Variants in STXBP5 observed in about 807,000 individuals in gnomAD.
The protein encoded by STXBP5 is syntaxin binding protein 5, also known as syntaxin-binding protein 5.
STXBP5 carries 50 observed loss-of-function variants against 152.4 expected under a neutral mutation model. That is an observed-to-expected ratio of 0.33 (90% CI 0.26 to 0.42). The LOEUF (loss-of-function observed/expected upper bound fraction) is 0.42, where lower values mean the gene tolerates loss of function less well. Ranked by LOEUF, STXBP5 falls within the 10% of genes least tolerant of loss-of-function variation. The pLI, the probability that STXBP5 is intolerant of heterozygous loss-of-function variation, is 1.00. For missense variants in STXBP5, 1,167 were observed against 1,388.6 expected (o/e 0.84, Z 2.54); for synonymous variants, 492 against 494.7 (o/e 0.99, Z 0.07).
chr6:147,250,719 G>A (rs997647328), intron 4 of STXBP5, among the ~76,000 whole-genome samples: 1 of 151,958 alleles, frequency 6.6e-6, no homozygotes, highest in South Asian at 2.1e-4. Flanking sequence ...TAGAAAAATT[G>A]TATCCTATTG....
chr6:147,349,554 A>T (rs1274291615), intron 21 of STXBP5, among the ~76,000 whole-genome samples: 1 of 152,226 alleles, frequency 6.6e-6, no homozygotes, highest in African/African-American at 2.4e-5. Flanking sequence ...GTTTCGTGAA[A>T]ATGTACAAAG....
At chr6:147,242,069 A>G (rs911724366) in intron 4 of STXBP5, among the ~76,000 whole-genome samples, 3 of 152,080 alleles carry the variant, frequency 2.0e-5, no homozygotes, top group Non-Finnish European at 4.4e-5. Flanking sequence ...ACTGTCCCTG[A>G]AGACCTTCTA....
chr6:147,388,813 T>C lies in STXBP5; in HGVS notation c.*4058T>C, dbSNP rs982564230. ...TAACTATTGTTTTAAAATATAGATA[T>C]ATATATATATATTTAAAATAGTTTT... On this transcript the variant is annotated 3_prime_UTR_variant, in exon 28 of 28. Transcript: ENST00000321680. 6.7e-6 allele frequency: 1 copy of C among 150,358 alleles called. No individual in the cohort carries two copies. The highest frequency in any genetic ancestry group is 1.5e-5 in the Non-Finnish European group (1 of 67,300). 9.3% of individuals were successfully genotyped at this position (150,358 alleles called of 1,614,324 possible).
intron 16 of STXBP5, among the ~76,000 whole-genome samples, chr6:147,320,020 T>G (rs1782841258): frequency 1.3e-5 from 2 of 151,676 alleles, no homozygotes; most frequent in African/African-American, 4.8e-5. Context: ...TTTGTAGTTT[T>G]TTATAGAGAT....
intron 9 of STXBP5, among the ~76,000 whole-genome samples, chr6:147,300,850 C>T (rs1346958474): frequency 7.9e-5 from 12 of 151,680 alleles, no homozygotes; most frequent in Non-Finnish European, 1.6e-4. Context: ...AGGAAACAGT[C>T]AACCAAGTGA....
intron 2 of STXBP5, among the ~76,000 whole-genome samples, chr6:147,220,218 C>T (rs1261656822): frequency 1.3e-5 from 2 of 152,002 alleles, no homozygotes; most frequent in Non-Finnish European, 2.9e-5. Context: ...TAGTTTACTT[C>T]CATTATGTTC....
chr6:147,257,804 G>C (rs940403649), intron 4 of STXBP5, among the ~76,000 whole-genome samples: 3 of 152,150 alleles, frequency 2.0e-5, no homozygotes, highest in African/African-American at 4.8e-5. Context: ...CTGCATAGAA[G>C]AACAACCCCA....
intron 7 of STXBP5, among the ~76,000 whole-genome samples, chr6:147,273,819 G>T (rs577361380): frequency 7.4e-4 from 112 of 152,174 alleles, no homozygotes; most frequent in Non-Finnish European, 1.3e-3. Flanking sequence ...AGGTGTGGTG[G>T]TGGGCACCTG....
At chr6:147,231,252 A>C (rs1338880751) in intron 2 of STXBP5, among the ~76,000 whole-genome samples, 2 of 151,656 alleles carry the variant, frequency 1.3e-5, no homozygotes, top group African/African-American at 2.4e-5. Context: ...GTCATGTCTA[A>C]ATTACACAGC....
chr6:147,230,396 T>A (rs534183133), intron 2 of STXBP5, among the ~76,000 whole-genome samples: 2 of 151,980 alleles, frequency 1.3e-5, no homozygotes, highest in East Asian at 3.9e-4. Flanking sequence ...TTTTTAAACA[T>A]GGTACCCTAA....
chr6:147,271,562 A>T (rs1048755835), intron 7 of STXBP5, among the ~76,000 whole-genome samples: 1 of 152,134 alleles, frequency 6.6e-6, no homozygotes, highest in African/African-American at 2.4e-5. Flanking sequence ...CATGAGTCAA[A>T]GAAGAAAACA....
intron 7 of STXBP5, among the ~76,000 whole-genome samples, chr6:147,274,437 CTT>C (rs1780340948): frequency 6.6e-6 from 1 of 152,088 alleles, no homozygotes; most frequent in African/African-American, 2.4e-5. Context: ...TGTATAATAA[CTT>C]TTATCAACTA....
At chr6:147,284,894 A>G (rs1439441939) in intron 8 of STXBP5, among the ~76,000 whole-genome samples, 3 of 152,232 alleles carry the variant, frequency 2.0e-5, no homozygotes, top group Non-Finnish European at 2.9e-5. Context: ...TTAAGTTTAC[A>G]TCTTAAAAAT....
chr6:147,308,322 T>C (rs972820989), intron 9 of STXBP5, among the ~76,000 whole-genome samples: 1 of 152,218 alleles, frequency 6.6e-6, no homozygotes, highest in East Asian at 1.9e-4. Context: ...TGTATGGATA[T>C]GGTTCTATTT....
chr6:147,320,267 AC>A (rs1782855040), intron 16 of STXBP5, among the ~76,000 whole-genome samples: 1 of 152,180 alleles, frequency 6.6e-6, no homozygotes, highest in South Asian at 2.1e-4. Context: ...GTACTGACTG[AC>A]CTGTATACAG....
chr6:147,337,633 TC>T (rs1320738247), intron 19 of STXBP5, among the ~76,000 whole-genome samples: 1 of 152,010 alleles, frequency 6.6e-6, no homozygotes, highest in Non-Finnish European at 1.5e-5. Flanking sequence ...AAAATTAGTA[TC>T]AATAATACAT....
chr6:147,205,827 C>G (rs1776522782), intron 1 of STXBP5, 144 bp from the exon 2 acceptor site: 1 of 539,888 alleles, frequency 1.9e-6, no homozygotes, highest in Non-Finnish European at 3.3e-6. Context: ...GTAGGTTTCA[C>G]TTATTTTTTC....
intron 2 of STXBP5, 62 bp from the exon 3 acceptor site, chr6:147,235,188 T>A: frequency 7.1e-7 from 1 of 1,410,080 alleles, no homozygotes; most frequent in Non-Finnish European, 1.0e-6. Context: ...GCCTATTATA[T>A]AACTTACCAG....
chr6:147,282,031 A>G (rs542494375), intron 8 of STXBP5, among the ~76,000 whole-genome samples: 1 of 152,198 alleles, frequency 6.6e-6, no homozygotes, highest in South Asian at 2.1e-4. Context: ...CTACTGTGTG[A>G]TAGGCACTTT....
Sources: gnomAD v4.1 joint callset for allele counts (sites outside exome capture counted in the v4.1 genomes callset) on GRCh38, gnomAD v4.1.1 for gene constraint, MANE v1.5 for transcripts, NCBI Gene and HGNC (gene_info 2026-07-23, HGNC 2026-07-21) for gene names.